Variants in GPBP1 observed in about 807,000 individuals in gnomAD.
GPBP1 encodes vasculin.
GPBP1 carries 13 observed loss-of-function variants against 56.5 expected under a neutral mutation model. That is an observed-to-expected ratio of 0.23 (90% CI 0.15 to 0.37). The LOEUF (loss-of-function observed/expected upper bound fraction) is 0.37. Ranked by LOEUF, GPBP1 falls within the 10% of genes least tolerant of loss-of-function variation. The pLI, the probability that GPBP1 is intolerant of heterozygous loss-of-function variation, is 1.00. For synonymous variants in GPBP1, 204 were observed against 188.9 expected (o/e 1.08, Z -0.66); for missense variants, 477 against 572.3 (o/e 0.83, Z 1.70).
Position 57,264,272 on chromosome 5 carries a change from T to G in GPBP1, c.*1520T>G, listed in dbSNP as rs569160941. 3 of 152,306 alleles carry G rather than the reference T, an allele frequency of 2.0e-5. No homozygotes were observed. The South Asian group carries it at 6.2e-4, about 32-fold the overall frequency. 9.4% of individuals were successfully genotyped at this position (152,306 alleles called of 1,614,324 possible). Reference sequence around the variant, plus strand: ...GGTTTCACTATATAATTTGTCACAATTCAATCTAATCAGCTAAAGTTAAAT... The same window carrying G: ...GGTTTCACTATATAATTTGTCACAAGTCAATCTAATCAGCTAAAGTTAAAT... On this transcript the variant is annotated 3_prime_UTR_variant, in exon 12 of 12. Coordinates refer to ENST00000506184, the MANE Select transcript of GPBP1 (RefSeq NM_022913.4).
intron 10 of GPBP1, among the ~76,000 whole-genome samples, chr5:57,259,103 G>A (rs1358511150): frequency 6.6e-6 from 1 of 152,182 alleles, no homozygotes; most frequent in African/African-American, 2.4e-5. Flanking sequence ...GGAAGAAGTC[G>A]TGGCTAAAAG....
At chr5:57,245,556 A>C (rs551303389) in intron 6 of GPBP1, 1 of 152,224 alleles carries the variant, frequency 6.6e-6, no homozygotes, top group South Asian at 2.1e-4. Flanking sequence ...AAGTTTTTGT[A>C]AGGGAAGAAA....
intron 6 of GPBP1, chr5:57,237,325 C>A (rs1438834012): frequency 2.5e-5 from 16 of 643,002 alleles, no homozygotes; most frequent in Non-Finnish European, 4.2e-5. Flanking sequence ...TGCCAGTGAG[C>A]GTTTGTCATA....
chr5:57,184,461 A>C (rs1357163907), intron 2 of GPBP1, among the ~76,000 whole-genome samples: 1 of 152,008 alleles, frequency 6.6e-6, no homozygotes, highest in Non-Finnish European at 1.5e-5. Context: ...GGCATGTCAC[A>C]TGGCAAGAGG....
chr5:57,249,623 G>A (rs1207660560), intron 9 of GPBP1, 47 bp downstream of exon 9: 1 of 1,466,542 alleles, frequency 6.8e-7, no homozygotes, highest in Non-Finnish European at 9.3e-7. Flanking sequence ...ATATGTCATT[G>A]AAATATTTGA....
chr5:57,262,398 G>A (rs72761796), intron 11 of GPBP1, among the ~76,000 whole-genome samples, 196 bp from the exon 12 acceptor site: 3,155 of 152,226 alleles, frequency 0.021, 41 homozygotes, highest in Non-Finnish European at 0.033. Flanking sequence ...AAAAATGTGG[G>A]AAAGTTTAGT....
intron 2 of GPBP1, among the ~76,000 whole-genome samples, chr5:57,196,726 G>A (rs1754783106): frequency 6.6e-6 from 1 of 151,958 alleles, no homozygotes; most frequent in Non-Finnish European, 1.5e-5. Context: ...CCAAGTAGCT[G>A]GGACCACAGG....
intron 7 of GPBP1, 77 bp downstream of exon 7, chr5:57,246,561 A>G (rs1057010149): frequency 8.0e-7 from 1 of 1,251,416 alleles, no homozygotes; most frequent in Non-Finnish European, 1.1e-6. Context: ...ATGTTAAAGA[A>G]TTTAAAGTGT....
chr5:57,196,894 G>A (rs527669077), intron 2 of GPBP1, among the ~76,000 whole-genome samples: 2 of 151,798 alleles, frequency 1.3e-5, no homozygotes, highest in Non-Finnish European at 2.9e-5. Flanking sequence ...CGATTCTCCC[G>A]CCTCAGCTTT....
At chr5:57,231,768 C>T (rs1221450789) in intron 5 of GPBP1, among the ~76,000 whole-genome samples, 3 of 152,134 alleles carry the variant, frequency 2.0e-5, no homozygotes, top group Admixed American at 1.3e-4. Context: ...GACTCTGAGT[C>T]AGCTGGTGTT....
At position 57,199,355 on chromosome 5, in the gene GPBP1, ACAT is replaced by A. The variant is rs1304427676; in HGVS notation, c.-57-14718_-57-14716del. Reference sequence around the variant, plus strand: ...TGGGACTAGACATTGGGATATATGAACATTAGGGATGGGCGGAACCTGATGAGA... The same window carrying A: ...TGGGACTAGACATTGGGATATATGAATAGGGATGGGCGGAACCTGATGAGA... On this transcript the variant is annotated intron_variant, in intron 2 of 11. Transcript: ENST00000506184. Among the ~76,000 whole-genome samples the A allele has an allele frequency of 1.2e-4, 18 of 152,252 alleles. No homozygotes were observed. The East Asian group carries it at 3.5e-3, about 29-fold the overall frequency.
chr5:57,188,116 C>T lies in GPBP1; in HGVS notation c.-58+11716C>T, dbSNP rs557046842. Reference sequence around the variant, plus strand: ...AAAATTAACTGGGCATGATTGTGCACGCCTGTAGTCCCAGCTACACAGGAG... The same window carrying T: ...AAAATTAACTGGGCATGATTGTGCATGCCTGTAGTCCCAGCTACACAGGAG... On this transcript the variant is annotated intron_variant, in intron 2 of 11. Transcript: ENST00000506184. Among the ~76,000 whole-genome samples the T allele has an allele frequency of 6.5e-4, 98 of 151,756 alleles. 1 individual carries two copies. The highest frequency in any genetic ancestry group is 2.1e-3 in the African/African-American group (89 of 41,400).
intron 2 of GPBP1, among the ~76,000 whole-genome samples, chr5:57,179,059 G>T (rs148766695): frequency 6.6e-6 from 1 of 152,156 alleles, no homozygotes; most frequent in Admixed American, 6.6e-5. Flanking sequence ...GAGACTGGGA[G>T]AAAGTTACTT....
rs58708281 is a variant in GPBP1, at chr5:57,177,648, CTTTTTTTTTTTT to C, written c.-58+1267_-58+1278del. On this transcript the variant is annotated intron_variant, in intron 2 of 11. Transcript: ENST00000506184. ...GCCACCACGCTCGGCCAATTTTTGC[CTTTTTTTTTTTT>C]TTTTTTTTTTTTTTTTTTAGTAGAG... 5.1e-3 allele frequency among the ~76,000 whole-genome samples: 466 copies of C among 92,242 alleles called. 6 individuals carry two copies. The highest frequency in any genetic ancestry group is 0.019 in the African/African-American group (407 of 21,144). 60.5% of individuals were successfully genotyped at this position (92,242 alleles called of 152,430 possible).
intron 1 of GPBP1, among the ~76,000 whole-genome samples, 183 bp downstream of exon 1, chr5:57,174,394 G>A (rs1753701994): frequency 6.6e-6 from 1 of 151,884 alleles, no homozygotes. Context: ...GCCCCTCTAG[G>A]TATTGACTCG....
At chr5:57,223,700 C>T (rs976447308) in intron 3 of GPBP1, among the ~76,000 whole-genome samples, 1 of 150,898 alleles carries the variant, frequency 6.6e-6, no homozygotes, top group African/African-American at 2.4e-5. Flanking sequence ...TCTTCATAGT[C>T]GCTTCTGGGT....
In GPBP1 at chr5:57,263,687, C is replaced by T. The variant is rs1258682230; in HGVS notation, c.*935C>T. On this transcript the variant is annotated 3_prime_UTR_variant, in exon 12 of 12. Coordinates refer to ENST00000506184, the MANE Select transcript of GPBP1 (RefSeq NM_022913.4). ...AAAGTCATACTTTTAAAAGTAATAC[C>T]TTACTAAAGATGGTGATTACTTTTC... The T allele has an allele frequency of 6.6e-6, 1 of 152,036 alleles. No individual in the cohort carries two copies. Among genetic ancestry groups the T allele is most frequent in the Non-Finnish European group, 1.5e-5 (1 of 67,990 alleles). The allele number at this position is 152,036 out of a possible 1,614,324, so 9.4% of individuals were successfully genotyped here.
intron 3 of GPBP1, among the ~76,000 whole-genome samples, chr5:57,230,417 A>G (rs1183344931): frequency 6.6e-6 from 1 of 152,170 alleles, no homozygotes; most frequent in Non-Finnish European, 1.5e-5. Flanking sequence ...GGTTTGGGGA[A>G]GAGGAATATG....
chr5:57,226,840 T>C lies in GPBP1; in HGVS notation c.64-4006T>C, dbSNP rs1756221034. ...CTGCAAGCTCCGCCTCCTGAGTTCA[T>C]GCCATTCTCCTGCCTCAGTCTCCCA... On this transcript the variant is annotated intron_variant, in intron 3 of 11. Transcript: ENST00000506184. 2.1e-5 allele frequency among the ~76,000 whole-genome samples: 3 copies of C among 145,698 alleles called. No individual in the cohort carries two copies. In the South Asian group the frequency reaches 6.7e-4, roughly 33 times the overall value.
Sources: allele counts gnomAD v4.1 joint callset (sites outside exome capture counted in the v4.1 genomes callset), GRCh38; gene constraint gnomAD v4.1.1; transcripts MANE v1.5; gene names NCBI Gene and HGNC (gene_info 2026-07-23, HGNC 2026-07-21).